AFG2A: variants seen among roughly 807,000 people sequenced by gnomAD.
AFG2A encodes the protein ATPase family gene 2 protein homolog A.
At chr4:123,283,218 A>T in the AFG2A span, among the ~76,000 whole-genome samples, 2 of 152,212 alleles carry the variant, frequency 1.3e-5, no homozygotes, top group Admixed American at 1.3e-4. Flanking sequence ...AAATTCTGAT[A>T]AAGGGAATAA....
At chr4:123,214,969 G>T in the AFG2A span, among the ~76,000 whole-genome samples, 1 of 152,012 alleles carries the variant, frequency 6.6e-6, no homozygotes, top group Non-Finnish European at 1.5e-5. Flanking sequence ...GGTTAAAGGA[G>T]AATTTTTGAT....
the AFG2A span, among the ~76,000 whole-genome samples, chr4:123,170,397 G>T: frequency 3.9e-5 from 6 of 152,266 alleles, no homozygotes; most frequent in East Asian, 1.2e-3. Context: ...GTCATTGCCT[G>T]CATATAAGAA....
the AFG2A span, among the ~76,000 whole-genome samples, chr4:123,257,032 A>G: frequency 6.6e-6 from 1 of 152,158 alleles, no homozygotes; most frequent in Non-Finnish European, 1.5e-5. Flanking sequence ...TGAATTACTC[A>G]GTAGGCTAGG....
the AFG2A span, among the ~76,000 whole-genome samples, chr4:123,099,798 T>C: frequency 6.6e-6 from 1 of 151,906 alleles, no homozygotes; most frequent in Non-Finnish European, 1.5e-5. Context: ...ATGAGTAATG[T>C]AAATATTTAT....
the AFG2A span, among the ~76,000 whole-genome samples, chr4:122,940,485 T>G: frequency 6.6e-6 from 1 of 152,122 alleles, no homozygotes; most frequent in African/African-American, 2.4e-5. Context: ...GGTTGTTTGT[T>G]TTTTTCTTGT....
the AFG2A span, among the ~76,000 whole-genome samples, chr4:123,034,755 A>T: frequency 1.3e-5 from 2 of 152,194 alleles, no homozygotes; most frequent in African/African-American, 4.8e-5. Context: ...TGTTTGTACT[A>T]TCTGCTCAAT....
the AFG2A span, among the ~76,000 whole-genome samples, chr4:123,306,133 T>C: frequency 2.6e-5 from 4 of 152,216 alleles, no homozygotes; most frequent in Admixed American, 2.6e-4. Flanking sequence ...TCCCTTTGCT[T>C]TCATTGCTTT....
At chr4:123,111,660 T>A in the AFG2A span, among the ~76,000 whole-genome samples, 8 of 152,164 alleles carry the variant, frequency 5.3e-5, no homozygotes, top group African/African-American at 1.2e-4. Context: ...ATAGTGAAGA[T>A]GTTTCATTCA....
chr4:123,007,602 GTGTGTGTATATA>G, the AFG2A span, among the ~76,000 whole-genome samples: 48 of 11,042 alleles, frequency 4.3e-3, no homozygotes, highest in African/African-American at 0.018. Context: ...GTGTGTGTGT[GTGTGTGTATATA>G]TATATATATA....
chr4:123,026,008 A>G, the AFG2A span, among the ~76,000 whole-genome samples: 4 of 152,156 alleles, frequency 2.6e-5, no homozygotes, highest in Admixed American at 1.3e-4. Context: ...GTCACAGACA[A>G]TGAGTTAAGG....
At chr4:123,279,838 T>C in the AFG2A span, among the ~76,000 whole-genome samples, 1 of 152,202 alleles carries the variant, frequency 6.6e-6, no homozygotes, top group African/African-American at 2.4e-5. Context: ...TTAGCTCAAA[T>C]TGAGCAATCA....
chr4:123,025,121 T>C, the AFG2A span, among the ~76,000 whole-genome samples: 1 of 152,202 alleles, frequency 6.6e-6, no homozygotes, highest in Admixed American at 6.5e-5. Context: ...CAGAATCCGG[T>C]AGAGACACAC....
chr4:123,307,528 G>T, the AFG2A span, among the ~76,000 whole-genome samples: 1 of 152,160 alleles, frequency 6.6e-6, no homozygotes, highest in African/African-American at 2.4e-5. Flanking sequence ...AGAGAGATAT[G>T]TTGACAGATT....
chr4:123,135,327 T>G, the AFG2A span, among the ~76,000 whole-genome samples: 1 of 152,186 alleles, frequency 6.6e-6, no homozygotes, highest in Non-Finnish European at 1.5e-5. Flanking sequence ...AGCTAAAGGC[T>G]TTTTTTCTAA....
At chr4:123,147,082 C>G in the AFG2A span, among the ~76,000 whole-genome samples, 1 of 152,040 alleles carries the variant, frequency 6.6e-6, no homozygotes, top group Non-Finnish European at 1.5e-5. Context: ...TATTTGTGTT[C>G]CCATTTCACT....
the AFG2A span, among the ~76,000 whole-genome samples, chr4:123,011,542 G>A: frequency 4.6e-5 from 7 of 152,190 alleles, no homozygotes; most frequent in Non-Finnish European, 8.8e-5. Context: ...ATGCCTGGAC[G>A]TCAGGCACCT....
the AFG2A span, chr4:122,923,379 C>G: frequency 6.3e-7 from 1 of 1,581,670 alleles, no homozygotes; most frequent in Non-Finnish European, 8.6e-7. Flanking sequence ...GTGATACTGA[C>G]TTGGGGTGCA....
the AFG2A span, among the ~76,000 whole-genome samples, chr4:123,173,941 T>C: frequency 0.51 from 76,793 of 151,814 alleles, 23,601 homozygotes; most frequent in Non-Finnish European, 0.67. Flanking sequence ...AAGACAAATA[T>C]ATATTCTTGA....
At chr4:123,275,930 A>G in the AFG2A span, among the ~76,000 whole-genome samples, 4,818 of 152,248 alleles carry the variant, frequency 0.032, 249 homozygotes, top group African/African-American at 0.11. Flanking sequence ...CTTTGCTATT[A>G]TGAATAGTGC....
Sources: allele counts gnomAD v4.1 joint callset (sites outside exome capture counted in the v4.1 genomes callset), GRCh38; gene constraint gnomAD v4.1.1; transcripts MANE v1.5; gene names NCBI Gene and HGNC (gene_info 2026-07-23, HGNC 2026-07-21).